The following TMEM178B variants were observed in gnomAD, a reference collection of about 807,000 sequenced individuals.
The protein encoded by TMEM178B is transmembrane protein 178B.
A neutral mutation model predicts 31.0 loss-of-function variants in TMEM178B; 5 were observed. The observed-to-expected ratio is 0.16, with a 90% CI of 0.08 to 0.34. The LOEUF is 0.34. Ranked by LOEUF, TMEM178B falls within the 10% of genes least tolerant of loss-of-function variation. TMEM178B has a pLI of 1.00. For missense variants in TMEM178B, 275 were observed against 400.3 expected (o/e 0.69, Z 2.67); for synonymous variants, 164 against 164.0 (o/e 1.00, Z 0.00).
At chr7:141,453,717 T>G (rs1041226227) in intron 3 of TMEM178B, among the ~76,000 whole-genome samples, 5 of 152,240 alleles carry the variant, frequency 3.3e-5, no homozygotes, top group Non-Finnish European at 5.9e-5. Context: ...TTCTTCTCAT[T>G]GCCCCTCGAA....
intron 2 of TMEM178B, among the ~76,000 whole-genome samples, chr7:141,336,949 C>T (rs1339546910): frequency 9.7e-5 from 12 of 123,102 alleles, no homozygotes; most frequent in South Asian, 2.9e-4. Context: ...CCACCATCAC[C>T]ACCACCACCA....
At chr7:141,083,475 GAA>G (rs1794721233) in intron 1 of TMEM178B, among the ~76,000 whole-genome samples, 2 of 144,640 alleles carry the variant, frequency 1.4e-5, no homozygotes, top group African/African-American at 2.5e-5. Context: ...GGTGGGAAGA[GAA>G]AGAGGAAGGG....
chr7:141,396,974 G>A lies in TMEM178B; in HGVS notation c.497-40634G>A, dbSNP rs143620082. Among the ~76,000 whole-genome samples, 143 of 152,336 alleles carry A rather than the reference G, an allele frequency of 9.4e-4. No individual in the cohort carries two copies. The East Asian group carries it at 0.025, about 26-fold the overall frequency. The stretch of plus-strand genomic sequence containing the variant: ...AAAAAGAGAGCCAACAGGACAAAAT[G>A]TCATCAAAATTGAGCTTGGTTTTTT... On this transcript the variant is annotated intron_variant, in intron 2 of 3. Coordinates refer to ENST00000565468, the MANE Select transcript of TMEM178B (RefSeq NM_001195278.2).
intron 2 of TMEM178B, among the ~76,000 whole-genome samples, chr7:141,301,123 C>T (rs966192138): frequency 1.3e-5 from 2 of 152,152 alleles, no homozygotes; most frequent in South Asian, 2.1e-4. Flanking sequence ...AATGTGGGTA[C>T]GTTAGAAAGA....
At position 141,474,974 on chromosome 7, in the gene TMEM178B, G is replaced by A. The variant is rs992713742; in HGVS notation, c.*4188G>A. On this transcript the variant is annotated 3_prime_UTR_variant, in exon 4 of 4. Transcript: ENST00000565468. ...AGAGATACACTCTGGTCATCCTTTGGTGTGGTTTGTGGGGGATACTTGGTT... is the reference window on the plus strand; with the variant it reads ...AGAGATACACTCTGGTCATCCTTTGATGTGGTTTGTGGGGGATACTTGGTT... 8 of 152,230 alleles carry A rather than the reference G, an allele frequency of 5.3e-5. No homozygotes were observed. Among genetic ancestry groups the A allele is most frequent in the African/African-American group, 1.9e-4 (8 of 41,444 alleles). The allele number at this position is 152,230 out of a possible 1,614,324, so 9.4% of individuals were successfully genotyped here.
At chr7:141,139,386 GTT>G (rs112342126) in intron 1 of TMEM178B, among the ~76,000 whole-genome samples, 9,449 of 152,052 alleles carry the variant, frequency 0.062, 965 homozygotes, top group African/African-American at 0.21. Flanking sequence ...GAGTCTCGCT[GTT>G]TTGCCCAAGC....
chr7:141,281,354 A>T (rs1798356389), intron 2 of TMEM178B, among the ~76,000 whole-genome samples: 1 of 152,162 alleles, frequency 6.6e-6, no homozygotes, highest in Non-Finnish European at 1.5e-5. Context: ...CACCACTCAC[A>T]TGAGCAGACA....
At chr7:141,340,522 T>G (rs774529452) in intron 2 of TMEM178B, among the ~76,000 whole-genome samples, 1 of 152,228 alleles carries the variant, frequency 6.6e-6, no homozygotes, top group Non-Finnish European at 1.5e-5. Context: ...GGTAAAGTCA[T>G]GCTTCTTTCA....
At chr7:141,396,576 C>T (rs1233178896) in intron 2 of TMEM178B, among the ~76,000 whole-genome samples, 1 of 152,220 alleles carries the variant, frequency 6.6e-6, no homozygotes, top group East Asian at 1.9e-4. Context: ...AGAAAAGTTT[C>T]AACCCACGCT....
intron 1 of TMEM178B, among the ~76,000 whole-genome samples, chr7:141,116,269 T>G (rs894255750): frequency 6.6e-6 from 1 of 152,106 alleles, no homozygotes; most frequent in Non-Finnish European, 1.5e-5. Context: ...CAAAGGTGGG[T>G]GCAGACACAG....
At chr7:141,136,288 T>C (rs912116278) in intron 1 of TMEM178B, among the ~76,000 whole-genome samples, 2 of 152,216 alleles carry the variant, frequency 1.3e-5, no homozygotes, top group African/African-American at 4.8e-5. Context: ...AAGGACTTGC[T>C]CTTCAATAAA....
chr7:141,499,572 G>T, the TMEM178B span, among the ~76,000 whole-genome samples: 3 of 151,596 alleles, frequency 2.0e-5, 1 homozygote, highest in Non-Finnish European at 4.4e-5. Context: ...CTGGGAGGTC[G>T]AGGCTTCAGT....
chr7:141,138,990 A>G (rs1228797560), intron 1 of TMEM178B, among the ~76,000 whole-genome samples: 2 of 152,118 alleles, frequency 1.3e-5, no homozygotes, highest in African/African-American at 2.4e-5. Context: ...TGTCAAAAAA[A>G]AAAAGAAAAA....
intron 1 of TMEM178B, among the ~76,000 whole-genome samples, chr7:141,176,717 T>C (rs745744276): frequency 2.0e-5 from 3 of 152,246 alleles, no homozygotes; most frequent in Non-Finnish European, 4.4e-5. Context: ...ATTTATTCAT[T>C]TCTTCTAGAT....
chr7:141,470,865 C>G lies in TMEM178B; in HGVS notation c.*79C>G, dbSNP rs970011815. The stretch of plus-strand genomic sequence containing the variant: ...TATATAAAACAAAACAAAACTAAAT[C>G]AAGACGATGCCAGTGCCAAGGTAGA... On this transcript the variant is annotated 3_prime_UTR_variant, in exon 4 of 4. Transcript: ENST00000565468. 7.5e-5 allele frequency: 64 copies of G among 854,942 alleles called. No individual in the cohort carries two copies. Among genetic ancestry groups the G allele is most frequent in the Non-Finnish European group, 9.1e-5 (63 of 690,642 alleles). 53.0% of individuals were successfully genotyped at this position (854,942 alleles called of 1,614,324 possible).
chr7:141,481,942 T>A (rs1802483100), downstream of TMEM178B, among the ~76,000 whole-genome samples: 1 of 152,140 alleles, frequency 6.6e-6, no homozygotes, highest in African/African-American at 2.4e-5. Context: ...GGGACTTCTA[T>A]GCTGCAGCAT....
chr7:141,288,853 G>A (rs1322501723), intron 2 of TMEM178B, among the ~76,000 whole-genome samples: 1 of 152,188 alleles, frequency 6.6e-6, no homozygotes, highest in South Asian at 2.1e-4. Flanking sequence ...TTCTTACCTT[G>A]CTGCTGACCT....
chr7:141,187,279 T>C (rs1392507735), intron 1 of TMEM178B, among the ~76,000 whole-genome samples: 2 of 152,044 alleles, frequency 1.3e-5, no homozygotes, highest in African/African-American at 4.8e-5. Flanking sequence ...GCTCATCATT[T>C]TTTATGGCTG....
At chr7:141,266,597 C>T (rs768885284) in intron 2 of TMEM178B, among the ~76,000 whole-genome samples, 3 of 152,106 alleles carry the variant, frequency 2.0e-5, no homozygotes, top group African/African-American at 2.4e-5. Flanking sequence ...GAGAGTCTTC[C>T]GGTGGGCTAG....
Sources: gnomAD v4.1 joint callset for allele counts (sites outside exome capture counted in the v4.1 genomes callset) on GRCh38, gnomAD v4.1.1 for gene constraint, MANE v1.5 for transcripts, NCBI Gene and HGNC (gene_info 2026-07-23, HGNC 2026-07-21) for gene names.